The following CTNNA2 variants were observed in gnomAD, a reference collection of about 807,000 sequenced individuals.
CTNNA2 encodes the protein catenin alpha-2.
CTNNA2 carries 42 observed loss-of-function variants against 101.0 expected under a neutral mutation model. That is an observed-to-expected ratio of 0.42 (90% CI 0.32 to 0.54). The LOEUF (loss-of-function observed/expected upper bound fraction) is 0.54, where lower values mean the gene tolerates loss of function less well. Ranked by LOEUF, CTNNA2 falls within the 20% of genes least tolerant of loss-of-function variation. The pLI is 0.14. For missense variants in CTNNA2, 871 were observed against 1,223.1 expected (o/e 0.71, Z 4.29); for synonymous variants, 450 against 456.4 (o/e 0.99, Z 0.18).
chr2:79,839,969 G>C (rs1353215906), intron 3 of CTNNA2, among the ~76,000 whole-genome samples: 1 of 152,080 alleles, frequency 6.6e-6, no homozygotes, highest in African/African-American at 2.4e-5. Flanking sequence ...CTTTGGAAAA[G>C]GGTTCGTTTT....
intron 2 of CTNNA2, among the ~76,000 whole-genome samples, chr2:79,237,404 A>G (rs1204912279): frequency 6.6e-6 from 1 of 152,196 alleles, no homozygotes; most frequent in African/African-American, 2.4e-5. Flanking sequence ...GGCAGAATAG[A>G]TTGAGCACAA....
chr2:79,517,708 C>T (rs1399897179), intron 1 of CTNNA2, among the ~76,000 whole-genome samples: 1 of 152,112 alleles, frequency 6.6e-6, no homozygotes, highest in Admixed American at 6.6e-5. Flanking sequence ...TCTAACTCAG[C>T]CATAAATTTG....
At chr2:79,402,921 A>G (rs1474057069) in intron 4 of CTNNA2, among the ~76,000 whole-genome samples, 1 of 151,872 alleles carries the variant, frequency 6.6e-6, no homozygotes, top group Non-Finnish European at 1.5e-5. Context: ...GATGAGTAAA[A>G]ATGAAAATAC....
At chr2:80,126,988 A>G (rs566084428) in intron 7 of CTNNA2, among the ~76,000 whole-genome samples, 47 of 152,160 alleles carry the variant, frequency 3.1e-4, no homozygotes, top group Non-Finnish European at 6.3e-4. Context: ...TACGGCTCTT[A>G]GTCACAAGTG....
intron 17 of CTNNA2, among the ~76,000 whole-genome samples, chr2:80,615,349 A>G (rs1039216135): frequency 6.6e-6 from 1 of 151,606 alleles, no homozygotes; most frequent in African/African-American, 2.4e-5. Flanking sequence ...TTTGTTGTTC[A>G]CATAAGAATA....
intron 1 of CTNNA2, among the ~76,000 whole-genome samples, chr2:79,626,695 A>C (rs567569715): frequency 6.6e-6 from 1 of 151,078 alleles, no homozygotes; most frequent in Non-Finnish European, 1.5e-5. Context: ...GGAAATGAAT[A>C]TGAATCTGGA....
rs145219453 is a variant in CTNNA2 at position 80,566,218 on chromosome 2, T to C, written c.1742-7945T>C. On this transcript the variant is annotated intron_variant, in intron 12 of 18. Transcript: ENST00000402739. ...GCAGCTTACAACATGGCAACTGTCT[T>C]CCATCAGAGTTAAGTAACCAAGATA... 2.7e-3 allele frequency among the ~76,000 whole-genome samples: 411 copies of C among 152,316 alleles called. 3 individuals are homozygous for C. Among genetic ancestry groups the C allele is most frequent in the African/African-American group, 9.2e-3 (382 of 41,556 alleles).
At chr2:80,347,612 T>C (rs148139553) in intron 7 of CTNNA2, among the ~76,000 whole-genome samples, 5 of 152,146 alleles carry the variant, frequency 3.3e-5, no homozygotes, top group African/African-American at 1.2e-4. Context: ...TGAGCTCACA[T>C]TGCATAATGG....
chr2:79,604,648 T>G (rs961849864), intron 1 of CTNNA2, among the ~76,000 whole-genome samples: 9 of 152,132 alleles, frequency 5.9e-5, no homozygotes, highest in Non-Finnish European at 1.3e-4. Flanking sequence ...CTGAGGCTGG[T>G]GAAAGAGCCA....
chr2:79,839,043 C>A (rs1218737186), intron 3 of CTNNA2, among the ~76,000 whole-genome samples: 2 of 151,948 alleles, frequency 1.3e-5, no homozygotes, highest in African/African-American at 2.4e-5. Flanking sequence ...ATTTATTAAT[C>A]TTTTAAGCGC....
upstream of CTNNA2, among the ~76,000 whole-genome samples, chr2:79,510,529 TC>T: frequency 6.6e-6 from 1 of 152,190 alleles, no homozygotes; most frequent in Non-Finnish European, 1.5e-5. Flanking sequence ...GGTTGAGGGT[TC>T]CCCTTTATTC....
chr2:79,367,398 A>G (rs1677774324), intron 3 of CTNNA2, among the ~76,000 whole-genome samples: 1 of 152,214 alleles, frequency 6.6e-6, no homozygotes, highest in African/African-American at 2.4e-5. Context: ...AGGGGAAAGC[A>G]TCTCTGGCAG....
At chr2:79,893,128 AT>A (rs1266934006) in intron 6 of CTNNA2, among the ~76,000 whole-genome samples, 1 of 150,950 alleles carries the variant, frequency 6.6e-6, no homozygotes, top group Non-Finnish European at 1.5e-5. Flanking sequence ...GTAAAAAAAT[AT>A]TTGAGAATAG....
chr2:80,051,758 G>A (rs1190583517), intron 7 of CTNNA2, among the ~76,000 whole-genome samples: 1 of 152,108 alleles, frequency 6.6e-6, no homozygotes, highest in Non-Finnish European at 1.5e-5. Flanking sequence ...TGAGGAAAAT[G>A]AAAAGACAAT....
intron 6 of CTNNA2, among the ~76,000 whole-genome samples, chr2:79,874,710 C>T (rs191806563): frequency 6.6e-6 from 1 of 151,944 alleles, no homozygotes; most frequent in South Asian, 2.1e-4. Context: ...CGGGAGGCTG[C>T]GGCAGGAGAA....
intron 15 of CTNNA2, among the ~76,000 whole-genome samples, chr2:80,589,947 G>A (rs1553400734): frequency 6.6e-6 from 1 of 150,590 alleles, no homozygotes; most frequent in Non-Finnish European, 1.5e-5. Flanking sequence ...TGTAATATTA[G>A]CTTGTGATCT....
chr2:79,864,816 T>C (rs543740424), intron 4 of CTNNA2, among the ~76,000 whole-genome samples: 58 of 152,314 alleles, frequency 3.8e-4, no homozygotes, highest in African/African-American at 1.4e-3. Flanking sequence ...TCCAGGCTCC[T>C]ACACTTACTT....
chr2:79,603,434 T>TA (rs1313863603), intron 1 of CTNNA2, among the ~76,000 whole-genome samples: 1 of 152,186 alleles, frequency 6.6e-6, no homozygotes, highest in Non-Finnish European at 1.5e-5. Context: ...ACAAAACTTA[T>TA]AATCCAAAAA....
chr2:80,438,817 A>G (rs1682292994), intron 9 of CTNNA2, among the ~76,000 whole-genome samples: 1 of 152,118 alleles, frequency 6.6e-6, no homozygotes, highest in Non-Finnish European at 1.5e-5. Flanking sequence ...ACCAAAGTCT[A>G]TAGCATTCCC....
Sources: allele counts gnomAD v4.1 joint callset (sites outside exome capture counted in the v4.1 genomes callset), GRCh38; gene constraint gnomAD v4.1.1; transcripts MANE v1.5; gene names NCBI Gene and HGNC (gene_info 2026-07-23, HGNC 2026-07-21).